NCS1: variants seen among roughly 807,000 people sequenced by gnomAD.
The protein encoded by NCS1 is neuronal calcium sensor 1, also known as frequenin homolog.
NCS1 carries 6 observed loss-of-function variants against 28.4 expected under a neutral mutation model. The observed-to-expected ratio is 0.21, with a 90% CI of 0.12 to 0.42. The LOEUF (loss-of-function observed/expected upper bound fraction) is 0.42. Among genes scored for constraint, NCS1 ranks in the 10% least tolerant of loss-of-function variants. The probability of loss-of-function intolerance (pLI) is 1.00; values close to 1 mark genes in which losing one functional copy is unlikely to be tolerated. For synonymous variants in NCS1, 86 were observed against 99.3 expected (o/e 0.87, Z 0.79); for missense variants, 131 against 241.4 (o/e 0.54, Z 3.03).
chr9:130,184,971 CAA>C (rs781980341), intron 1 of NCS1, among the ~76,000 whole-genome samples: 3 of 136,126 alleles, frequency 2.2e-5, no homozygotes. Flanking sequence ...GACTCCGTCT[CAA>C]AAAAAAAAAA....
At chr9:130,178,654 A>AC (rs1554904859) in intron 1 of NCS1, among the ~76,000 whole-genome samples, 1 of 152,014 alleles carries the variant, frequency 6.6e-6, no homozygotes, top group Non-Finnish European at 1.5e-5. Context: ...GGTGATGGAG[A>AC]CACATTAGAT....
Position 130,191,868 on chromosome 9 carries a change from T to A in NCS1, c.65-9090T>A, listed in dbSNP as rs543336790. ...CCCCAGCCCAGTGCTGGACCAGTCC[T>A]GGCTGGCACTCAGCGAACTGGGGTG... On this transcript the variant is annotated intron_variant, in intron 1 of 7. Transcript: ENST00000372398. The surrounding 1 kb of genome is among the most constrained non-coding windows in gnomAD (Gnocchi z 6.4). Among the ~76,000 whole-genome samples, 414 of 152,316 alleles carry A rather than the reference T, an allele frequency of 2.7e-3. 3 individuals are homozygous for A. The highest frequency in any genetic ancestry group is 4.7e-3 in the Non-Finnish European group (320 of 68,022).
At chr9:130,194,495 G>A (rs1277996257) in intron 1 of NCS1, among the ~76,000 whole-genome samples, 5 of 152,146 alleles carry the variant, frequency 3.3e-5, no homozygotes, top group Non-Finnish European at 7.4e-5. Flanking sequence ...GGTCAGTGAA[G>A]GGGAGTAGAG....
At chr9:130,214,782 A>G (rs538456712) in intron 2 of NCS1, among the ~76,000 whole-genome samples, 26 of 152,256 alleles carry the variant, frequency 1.7e-4, no homozygotes, top group Admixed American at 6.5e-4. Context: ...TCTCATGGAC[A>G]TCACCTCATG....
intron 2 of NCS1, among the ~76,000 whole-genome samples, chr9:130,216,254 A>G (rs1293858179): frequency 2.0e-5 from 3 of 152,144 alleles, no homozygotes; most frequent in African/African-American, 7.2e-5. Flanking sequence ...CTTTGTGTGG[A>G]TCACATTAGA....
intron 6 of NCS1, among the ~76,000 whole-genome samples, chr9:130,223,925 C>T (rs1833374105): frequency 6.6e-6 from 1 of 151,966 alleles, no homozygotes; most frequent in South Asian, 2.1e-4. Context: ...CGGCTCACTG[C>T]AAGCTCTGCC....
chr9:130,217,312 C>T lies in NCS1; in HGVS notation c.90-520C>T, dbSNP rs186124102. Among the ~76,000 whole-genome samples the T allele has an allele frequency of 1.8e-3, 277 of 152,316 alleles. 1 individual carries two copies. The highest frequency in any genetic ancestry group is 3.0e-3 in the Non-Finnish European group (201 of 68,028). ...ATCCCCCCATGCTGTTTACCCAGTT[C>T]CCTGGGAACAGAGACTGAGGGGCAG... On this transcript the variant is annotated intron_variant, in intron 2 of 7. Coordinates refer to ENST00000372398, the MANE Select transcript of NCS1 (RefSeq NM_014286.4).
chr9:130,228,076 G>A (rs984982849), intron 7 of NCS1, among the ~76,000 whole-genome samples: 29 of 152,176 alleles, frequency 1.9e-4, no homozygotes, highest in African/African-American at 6.3e-4. Flanking sequence ...TATGGCTGCC[G>A]GCTTCCCTCA....
Position 130,178,117 on chromosome 9 carries a change from G to A in NCS1, c.64+5390G>A, listed in dbSNP as rs184658336. Among the ~76,000 whole-genome samples, 109 of 152,280 alleles carry A rather than the reference G, an allele frequency of 7.2e-4. 2 individuals carry two copies. Among genetic ancestry groups the A allele is most frequent in the Middle Eastern group, 6.8e-3 (2 of 294 alleles). On this transcript the variant is annotated intron_variant, in intron 1 of 7. Transcript: ENST00000372398. ...GCCTCAAGTGATCTCCTCCCATCTC[G>A]GCCTCCTGAAGTGTTGGGATTACAG...
chr9:130,193,151 A>G (rs1832838480), intron 1 of NCS1, among the ~76,000 whole-genome samples: 1 of 152,126 alleles, frequency 6.6e-6, no homozygotes. Flanking sequence ...GTTGCTGCCC[A>G]GGGAGGGCTT....
intron 1 of NCS1, among the ~76,000 whole-genome samples, chr9:130,188,198 T>G (rs1832764747): frequency 6.6e-6 from 1 of 152,226 alleles, no homozygotes; most frequent in Non-Finnish European, 1.5e-5. Context: ...CCACGCTGCC[T>G]CTGGATAAGG....
rs1354413930 is a variant in NCS1, at chr9:130,177,838, C to T, written c.64+5111C>T. ...AAGGGGTTGTTTGGCAGGAGAGTCC[C>T]TGGGAGGGAAGGAGGGCTCAGGGGC... is the stretch of plus-strand genomic sequence containing the variant. On this transcript the variant is annotated intron_variant, in intron 1 of 7. Transcript: ENST00000372398. This position sits in a 1 kb window ranked among gnomAD's most constrained non-coding sequence, Gnocchi z 4.4. Among the ~76,000 whole-genome samples, 1 of 152,146 alleles carries T rather than the reference C, an allele frequency of 6.6e-6. No individual in the cohort carries two copies. The highest frequency in any genetic ancestry group is 2.4e-5 in the African/African-American group (1 of 41,444).
rs77006551 is a variant in NCS1 at position 130,214,549 on chromosome 9, G to A, written c.90-3283G>A. Among the ~76,000 whole-genome samples, 899 of 152,260 alleles carry A rather than the reference G, an allele frequency of 5.9e-3. 9 individuals are homozygous for A. Among genetic ancestry groups the A allele is most frequent in the African/African-American group, 0.02 (833 of 41,546 alleles). The stretch of plus-strand genomic sequence containing the variant: ...GGCAGGCTGATGCTGGAGGCGGGAC[G>A]AGGACTCACACGTGAAGCGAACTGG... On this transcript the variant is annotated intron_variant, in intron 2 of 7. Transcript: ENST00000372398.
chr9:130,219,879 A>T lies in NCS1; in HGVS notation c.307+76A>T. On this transcript the variant is annotated intron_variant, in intron 4 of 7. Transcript: ENST00000372398. This position sits in a 1 kb window ranked among gnomAD's most constrained non-coding sequence, Gnocchi z 5.7. ...CAGAGGGAGGCAGCCCTCGGCCCTC[A>T]CCAGGCAGGGGTGCCAGACACCCAC... The T allele has an allele frequency of 6.8e-7, 1 of 1,479,346 alleles. No individual in the cohort carries two copies. Among genetic ancestry groups the T allele is most frequent in the Middle Eastern group, 2.0e-4 (1 of 5,092 alleles). 91.6% of individuals were successfully genotyped at this position (1,479,346 alleles called of 1,614,324 possible). A position where few individuals can be genotyped will look rare whatever the true frequency, so the allele number is the denominator to read the frequency against.
At chr9:130,200,196 C>G (rs1832923056) in intron 1 of NCS1, among the ~76,000 whole-genome samples, 2 of 152,208 alleles carry the variant, frequency 1.3e-5, no homozygotes, top group Non-Finnish European at 2.9e-5. Flanking sequence ...AGGCAGGGAG[C>G]AAGGGTGGCC....
intron 1 of NCS1, chr9:130,200,608 A>T: frequency 6.4e-7 from 1 of 1,551,808 alleles, no homozygotes; most frequent in Non-Finnish European, 8.7e-7. Flanking sequence ...AGAGATGGCA[A>T]CGAGTAAGTC....
At chr9:130,218,185 G>C (rs1233173404) in intron 3 of NCS1, among the ~76,000 whole-genome samples, 2 of 152,220 alleles carry the variant, frequency 1.3e-5, no homozygotes, top group African/African-American at 4.8e-5. Flanking sequence ...CCAAATGCAT[G>C]CACATGTGTG....
chr9:130,184,477 A>C (rs1473595384), intron 1 of NCS1, among the ~76,000 whole-genome samples: 1 of 152,084 alleles, frequency 6.6e-6, no homozygotes. Context: ...GGCACGGCTT[A>C]TCCCAGGCTT....
chr9:130,226,292 A>C lies in NCS1; in HGVS notation c.475-97A>C. 9.5e-7 allele frequency: 1 copy of C among 1,054,424 alleles called. No homozygotes were observed. Among genetic ancestry groups the C allele is most frequent in the Admixed American group, 1.9e-5 (1 of 53,170 alleles). 65.3% of individuals were successfully genotyped at this position (1,054,424 alleles called of 1,614,324 possible). On this transcript the variant is annotated intron_variant, in intron 6 of 7. Coordinates refer to ENST00000372398, the MANE Select transcript of NCS1 (RefSeq NM_014286.4). This position sits in a 1 kb window ranked among gnomAD's most constrained non-coding sequence, Gnocchi z 4.8. The stretch of plus-strand genomic sequence containing the variant: ...GCCACGTTGCCTCCCTCCTGATCTA[A>C]CCTTGGAAGGGCTCTTGGGACCGGC...
Sources: allele counts gnomAD v4.1 joint callset (sites outside exome capture counted in the v4.1 genomes callset), GRCh38; gene constraint gnomAD v4.1.1; non-coding constraint Gnocchi (gnomAD v3.1); transcripts MANE v1.5; gene names NCBI Gene and HGNC (gene_info 2026-07-23, HGNC 2026-07-21).